Variants in CAPN9 observed in about 807,000 individuals in gnomAD.
CAPN9 encodes the protein calpain-9.
In CAPN9, 81 loss-of-function variants were observed where a neutral mutation model predicts 92.8. The observed-to-expected ratio is 0.87, with a 90% CI of 0.73 to 1.05. The LOEUF (loss-of-function observed/expected upper bound fraction) is 1.05, where lower values mean the gene tolerates loss of function less well. Among genes scored for constraint, CAPN9 ranks in the 50% least tolerant of loss-of-function variants. The probability of loss-of-function intolerance (pLI) is 0.00; values close to 1 mark genes in which losing one functional copy is unlikely to be tolerated. For synonymous variants in CAPN9, 304 were observed against 328.0 expected (o/e 0.93, Z 0.79); for missense variants, 848 against 866.2 (o/e 0.98, Z 0.26).
At chr1:230,755,765 A>G (rs1020887432) in intron 2 of CAPN9, among the ~76,000 whole-genome samples, 1 of 152,182 alleles carries the variant, frequency 6.6e-6, no homozygotes, top group Non-Finnish European at 1.5e-5. Flanking sequence ...GCCTCATTCC[A>G]TCTTCACAAC....
At chr1:230,795,312 G>A (rs535654198) in intron 18 of CAPN9, 33 bp downstream of exon 18, 19 of 1,365,942 alleles carry the variant, frequency 1.4e-5, no homozygotes, top group African/African-American at 1.3e-4. Flanking sequence ...GGTGCACCTC[G>A]GGGTGGCATC....
intron 19 of CAPN9, among the ~76,000 whole-genome samples, chr1:230,800,217 AAATAAGAAAG>A (rs1402113417): frequency 1.1e-5 from 1 of 88,912 alleles, no homozygotes; most frequent in Admixed American, 1.1e-4. Flanking sequence ...AAAGAAAGAA[AAATAAGAAAG>A]AAAGAAGAAA....
chr1:230,781,803 G>A (rs145121872), intron 11 of CAPN9, among the ~76,000 whole-genome samples: 3 of 152,342 alleles, frequency 2.0e-5, no homozygotes, highest in African/African-American at 7.2e-5. Context: ...CGTTTAGTGA[G>A]AGAGAATTAG....
chr1:230,759,709 T>A, intron 3 of CAPN9, 79 bp downstream of exon 3: 1 of 878,156 alleles, frequency 1.1e-6, no homozygotes, highest in Admixed American at 2.5e-5. Context: ...CACTGCCTGG[T>A]AACCCTAGAA....
intron 12 of CAPN9, chr1:230,786,358 G>A (rs1004563275): frequency 3.0e-5 from 5 of 167,622 alleles, no homozygotes; most frequent in Non-Finnish European, 6.1e-5. Context: ...CAATGGGAAG[G>A]TGCATGCCAT....
At chr1:230,774,037 C>A (rs1456453061) in intron 7 of CAPN9, among the ~76,000 whole-genome samples, 1 of 152,210 alleles carries the variant, frequency 6.6e-6, no homozygotes, top group African/African-American at 2.4e-5. Flanking sequence ...ACACCTAGCT[C>A]ACAGAACCCC....
At chr1:230,780,790 C>A in intron 11 of CAPN9, 82 bp downstream of exon 11, 1 of 1,081,382 alleles carries the variant, frequency 9.2e-7, no homozygotes, top group Non-Finnish European at 1.4e-6. Context: ...CTGCTGGAGC[C>A]AAGACTCCAT....
At chr1:230,758,615 G>A (rs1279592640) in intron 2 of CAPN9, among the ~76,000 whole-genome samples, 1 of 152,192 alleles carries the variant, frequency 6.6e-6, no homozygotes. Flanking sequence ...CAAACAGCCA[G>A]AAAGGGCCAT....
At chr1:230,761,090 T>G (rs1665603432) in intron 3 of CAPN9, among the ~76,000 whole-genome samples, 1 of 152,100 alleles carries the variant, frequency 6.6e-6, no homozygotes, top group Non-Finnish European at 1.5e-5. Context: ...GACCTAGAAC[T>G]CAGGAGTTCT....
chr1:230,792,398 C>T (rs1435496781), intron 15 of CAPN9, 28 bp from the exon 16 acceptor site: 8 of 1,603,144 alleles, frequency 5.0e-6, no homozygotes, highest in Non-Finnish European at 6.0e-6. Flanking sequence ...AAACACTGCT[C>T]ATGTCTCCCT....
At chr1:230,760,428 C>G (rs1451838965) in intron 3 of CAPN9, among the ~76,000 whole-genome samples, 1 of 152,192 alleles carries the variant, frequency 6.6e-6, no homozygotes, top group Non-Finnish European at 1.5e-5. Context: ...CCACCCCAGA[C>G]AGTGTCACCT....
intron 8 of CAPN9, 72 bp downstream of exon 8, chr1:230,774,703 T>C (rs1666624080): frequency 2.1e-6 from 2 of 945,586 alleles, no homozygotes; most frequent in East Asian, 2.4e-5. Flanking sequence ...AGGAGCACTG[T>C]GCTTCTCTCT....
In CAPN9 at chr1:230,785,997, G is replaced by A. The variant is rs1002454388; in HGVS notation, c.1498G>A (p.Val500Ile). 1.9e-6 allele frequency: 3 copies of A among 1,614,082 alleles called. No homozygotes were observed. Among genetic ancestry groups the A allele is most frequent in the South Asian group, 1.1e-5 (1 of 91,084 alleles). The change falls in exon 12 of 20, where the codon GTA becomes ATA. Residue 500 changes from valine to isoleucine, a missense_variant. Transcript: ENST00000271971. ...KAITRDMDGN[V>I]DIDLPEPPKP... is the part of the protein sequence containing the mutation. The stretch of plus-strand genomic sequence containing the variant: ...CCCCTACAGGGATATGGATGGAAAT[G>A]TAGACATTGACCTTCCTGAGGTGAG...
Position 230,767,572 on chromosome 1 carries a change from G to A in CAPN9, c.568G>A (p.Gly190Ser). 1 of 1,613,400 alleles carries A rather than the reference G, an allele frequency of 6.2e-7. No individual in the cohort carries two copies. Among genetic ancestry groups the A allele is most frequent in the South Asian group, 1.1e-5 (1 of 90,986 alleles). ...LNGSYEALKG[G>S]SAIEAMEDFT... Reference sequence around the variant, plus strand: ...TGGGAGCTATGAAGCTCTGAAGGGAGGCAGCGCCATCGAGGCCATGGAAGA... The same window carrying A: ...TGGGAGCTATGAAGCTCTGAAGGGAAGCAGCGCCATCGAGGCCATGGAAGA... Residue 190 changes from glycine to serine, a missense_variant, in exon 5 of 20, where the codon GGC becomes AGC. Gly to Ser is a moderately conservative substitution (Grantham distance 56). Coordinates refer to ENST00000271971, the MANE Select transcript of CAPN9 (RefSeq NM_006615.3).
chr1:230,784,274 G>A (rs1667427321), intron 11 of CAPN9, among the ~76,000 whole-genome samples: 1 of 152,238 alleles, frequency 6.6e-6, no homozygotes, highest in South Asian at 2.1e-4. Context: ...AGGAATTCAA[G>A]CAGGCTATGG....
intron 1 of CAPN9, chr1:230,752,616 G>A (rs1572008578): frequency 1.1e-6 from 1 of 936,338 alleles, no homozygotes; most frequent in African/African-American, 1.8e-5. Flanking sequence ...CAGGGAGGAT[G>A]GGAAGGAGGC....
At chr1:230,793,872 G>A (rs917874824) in intron 17 of CAPN9, among the ~76,000 whole-genome samples, 1 of 152,186 alleles carries the variant, frequency 6.6e-6, no homozygotes, top group Non-Finnish European at 1.5e-5. Context: ...CTGAGCAGGG[G>A]ACAAAGGGAG....
At chr1:230,761,195 G>A (rs945608042) in intron 3 of CAPN9, among the ~76,000 whole-genome samples, 3 of 152,112 alleles carry the variant, frequency 2.0e-5, no homozygotes, top group East Asian at 1.9e-4. Context: ...TACTCCGCCC[G>A]CTCCCCTCCT....
At position 230,792,940 on chromosome 1, in the gene CAPN9, A is replaced by C. The variant is rs781377520; in HGVS notation, c.1870+12A>C. The C allele has an allele frequency of 1.9e-6, 3 of 1,604,018 alleles. No individual in the cohort carries two copies. The highest frequency in any genetic ancestry group is 2.6e-6 in the Non-Finnish European group (3 of 1,171,192). Reference sequence around the variant, plus strand: ...ACTGAAAGCTGCAGGTAAAGAAAAGACTGGAGTACAGGTGGCTGACTGCAT... The same window carrying C: ...ACTGAAAGCTGCAGGTAAAGAAAAGCCTGGAGTACAGGTGGCTGACTGCAT... On this transcript the variant is annotated intron_variant, in intron 17 of 19. Transcript: ENST00000271971.
Sources: allele counts gnomAD v4.1 joint callset (sites outside exome capture counted in the v4.1 genomes callset), GRCh38; gene constraint gnomAD v4.1.1; transcripts MANE v1.5; gene names NCBI Gene and HGNC (gene_info 2026-07-23, HGNC 2026-07-21).